Variants in ARHGEF12 observed in about 807,000 individuals in gnomAD.
The protein encoded by ARHGEF12 is KMT2A/ARHGEF12 fusion protein.
ARHGEF12 carries 66 observed loss-of-function variants against 211.2 expected under a neutral mutation model. The ratio of observed to expected loss-of-function variants is 0.31; its 90% CI spans 0.26 to 0.38. ARHGEF12 has a LOEUF of 0.38. Ranked by LOEUF, ARHGEF12 falls within the 10% of genes least tolerant of loss-of-function variation. The pLI, the probability that ARHGEF12 is intolerant of heterozygous loss-of-function variation, is 1.00. For missense variants in ARHGEF12, 1,429 were observed against 1,869.5 expected, an observed-to-expected ratio of 0.76 and a Z score of 4.34; for synonymous variants, 592 against 638.4, an observed-to-expected ratio of 0.93 and a Z score of 1.09.
chr11:120,441,607 A>G lies in ARHGEF12; in HGVS notation c.1093-100A>G, dbSNP rs1945870074. 6 of 824,214 alleles carry G rather than the reference A, an allele frequency of 7.3e-6. No individual in the cohort carries two copies. In the Admixed American group the frequency reaches 1.6e-4, roughly 22 times the overall value. The allele number at this position is 824,214 out of a possible 1,614,324, so 51.1% of individuals were successfully genotyped here. A position where few individuals can be genotyped will look rare whatever the true frequency, so the allele number is the denominator to read the frequency against. ...TTTAAATCTTGAATTTTTTATAGGG[A>G]GATCAAAGTGAAATTTGGATAGCTA... On this transcript the variant is annotated intron_variant, in intron 13 of 40. Transcript: ENST00000397843.
chr11:120,337,124 G>A lies in ARHGEF12; in HGVS notation c.-120G>A. The A allele has an allele frequency of 8.1e-7, 1 of 1,230,946 alleles. No individual in the cohort carries two copies. The highest frequency in any genetic ancestry group is 1.5e-5 in the African/African-American group (1 of 67,810). The allele number at this position is 1,230,946 out of a possible 1,614,324, so 76.3% of individuals were successfully genotyped here. On this transcript the variant is annotated 5_prime_UTR_variant, in exon 1 of 41. It removes the in-frame stop codon of an upstream open reading frame in the 5' UTR. Coordinates refer to ENST00000397843, the MANE Select transcript of ARHGEF12 (RefSeq NM_015313.3). ...GGTCTAGATGACTGAATGGAGTTTT[G>A]AGTTGGACTTTTGTGTCCCTGACGG...
chr11:120,441,611 C>G, intron 13 of ARHGEF12, 96 bp from the exon 14 acceptor site: 1 of 891,284 alleles, frequency 1.1e-6, no homozygotes, highest in Non-Finnish European at 1.7e-6. Context: ...ATAGGGAGAT[C>G]AAAGTGAAAT....
At chr11:120,409,610 G>C (rs1944821901) in intron 4 of ARHGEF12, 160 bp downstream of exon 4, 1 of 659,934 alleles carries the variant, frequency 1.5e-6, no homozygotes, top group Non-Finnish European at 2.5e-6. Context: ...GGGAGCCTGG[G>C]GTTTTAACGT....
At chr11:120,381,134 A>G (rs1435473497) in intron 1 of ARHGEF12, among the ~76,000 whole-genome samples, 2 of 152,126 alleles carry the variant, frequency 1.3e-5, no homozygotes, top group South Asian at 2.1e-4. Flanking sequence ...CTATTGGAGT[A>G]TCGTTGCTTT....
intron 4 of ARHGEF12, among the ~76,000 whole-genome samples, chr11:120,412,264 G>A (rs1272111563): frequency 6.6e-6 from 1 of 152,230 alleles, no homozygotes; most frequent in East Asian, 1.9e-4. Flanking sequence ...CTGTCATGGT[G>A]TCTGAACAGA....
rs539379109 is a variant in ARHGEF12 at position 120,427,473 on chromosome 11, C to T, written c.407-596C>T. On this transcript the variant is annotated intron_variant, in intron 7 of 40. Coordinates refer to ENST00000397843, the MANE Select transcript of ARHGEF12 (RefSeq NM_015313.3). ...ATCCTAGCACCTTGGGAGGCCAAGG[C>T]GGGTGGATCGCTTGAGCTCAGGAGT... Among the ~76,000 whole-genome samples, 72 of 151,720 alleles carry T rather than the reference C, an allele frequency of 4.7e-4. 1 individual carries two copies. The highest frequency in any genetic ancestry group is 2.6e-4 in the Non-Finnish European group (18 of 67,952).
chr11:120,366,940 T>C (rs1234339389), intron 1 of ARHGEF12, among the ~76,000 whole-genome samples: 1 of 151,918 alleles, frequency 6.6e-6, no homozygotes, highest in African/African-American at 2.4e-5. Context: ...TGCTTGAACC[T>C]GAGAGGCGGA....
At chr11:120,431,746 CGT>C (rs536452634) in intron 10 of ARHGEF12, 23 bp from the exon 11 acceptor site, 7 of 1,549,632 alleles carry the variant, frequency 4.5e-6, no homozygotes, top group Non-Finnish European at 6.1e-6. Flanking sequence ...TTTGTGTGCG[CGT>C]GTTTTTCTTT....
chr11:120,481,341 A>G lies in ARHGEF12; in HGVS notation c.4319A>G (p.Gln1440Arg). ...GAGGTTGCTTCCTCACTTACCCTGC[A>G]GCCCATGACAGGCATCCCTGCTGTG... ...DEEVASSLTLQPMTGIPAVES... is the reference protein window; with the variant it reads ...DEEVASSLTLRPMTGIPAVES... Residue 1440 changes from glutamine to arginine, a missense_variant, in exon 39 of 41, where the codon CAG (glutamine) becomes CGG (arginine). Coordinates refer to ENST00000397843, the MANE Select transcript of ARHGEF12 (RefSeq NM_015313.3). 1.9e-6 allele frequency: 3 copies of G among 1,614,222 alleles called. No individual in the cohort carries two copies. Among genetic ancestry groups the G allele is most frequent in the African/African-American group, 1.3e-5 (1 of 75,064 alleles).
At position 120,441,771 on chromosome 11, in the gene ARHGEF12, C is replaced by T; in HGVS notation, c.1157C>T (p.Ala386Val). Residue 386 changes from alanine (A) to valine (V), a missense_variant, in exon 14 of 41, where the codon GCT becomes GTT. Physicochemically the swap from Ala to Val is moderately conservative, Grantham distance 64. Coordinates refer to ENST00000397843, the MANE Select transcript of ARHGEF12 (RefSeq NM_015313.3). ...CTAAAATCTCGCCCGGCTCATTTGG[C>T]TGTTTTCTTACACCATGTAGTTTCA... is the stretch of plus-strand genomic sequence containing the variant. Reference protein sequence around the residue: ...ELLKSRPAHLAVFLHHVVSQF... With the variant: ...ELLKSRPAHLVVFLHHVVSQF... The T allele has an allele frequency of 6.2e-7, 1 of 1,613,842 alleles. No individual in the cohort carries two copies. The highest frequency in any genetic ancestry group is 8.5e-7 in the Non-Finnish European group (1 of 1,179,816).
At chr11:120,446,908 T>C in intron 17 of ARHGEF12, 40 bp from the exon 18 acceptor site, 2 of 1,595,466 alleles carry the variant, frequency 1.3e-6, no homozygotes, top group Non-Finnish European at 1.7e-6. Flanking sequence ...GAGGTAGTTT[T>C]TCTTTAGGCT....
intron 28 of ARHGEF12, 23 bp downstream of exon 28, chr11:120,465,385 G>GA (rs771462236): frequency 4.4e-6 from 7 of 1,605,966 alleles, no homozygotes; most frequent in Admixed American, 1.7e-5. Context: ...AGTCATGTAA[G>GA]AAAAAAAATA....
rs59268139 is a variant in ARHGEF12, at chr11:120,442,427, TACACACACAC to T, written c.1302+245_1302+254del. 8.8e-3 allele frequency among the ~76,000 whole-genome samples: 1,263 copies of T among 144,044 alleles called. 81 individuals carry two copies. In the South Asian group the frequency reaches 0.16, roughly 19 times the overall value. The allele number at this position is 144,044 out of a possible 152,430, so 94.5% of individuals were successfully genotyped here. A position where few individuals can be genotyped will look rare whatever the true frequency, so the allele number is the denominator to read the frequency against. ...TTTTAGGGGATTATATATATATATA[TACACACACAC>T]ACACACACACACACACACATATATA... On this transcript the variant is annotated intron_variant, in intron 15 of 40. Transcript: ENST00000397843.
At position 120,457,202 on chromosome 11, in the gene ARHGEF12, C is replaced by T; in HGVS notation, c.2141C>T (p.Pro714Leu). Residue 714 changes from proline to leucine, a missense_variant, in exon 23 of 41, where the codon CCA becomes CTA. This residue lies in a region of ARHGEF12 where 373 missense variants were observed against 467.5 expected (regional missense o/e 0.80). Transcript: ENST00000397843. ...PRTLNTVFDF[P>L]PPPLDQVQEE... ...ACTCTCAATACTGTCTTTGATTTCC[C>T]ACCACCTCCATTAGACCAAGTGCAG... is the stretch of plus-strand genomic sequence containing the variant. 1 of 1,614,050 alleles carries T rather than the reference C, an allele frequency of 6.2e-7. No homozygotes were observed. Among genetic ancestry groups the T allele is most frequent in the Non-Finnish European group, 8.5e-7 (1 of 1,179,956 alleles).
At chr11:120,381,112 G>C (rs940904000) in intron 1 of ARHGEF12, among the ~76,000 whole-genome samples, 1 of 152,180 alleles carries the variant, frequency 6.6e-6, no homozygotes, top group Non-Finnish European at 1.5e-5. Flanking sequence ...TAGTTACTAG[G>C]TGTGCTCATT....
intron 1 of ARHGEF12, among the ~76,000 whole-genome samples, chr11:120,401,970 A>G (rs1395696892): frequency 2.0e-5 from 3 of 152,216 alleles, no homozygotes; most frequent in Non-Finnish European, 4.4e-5. Context: ...TAGTAAATAC[A>G]TAAGTGGTTA....
chr11:120,352,211 C>A (rs1219913163), intron 1 of ARHGEF12, among the ~76,000 whole-genome samples: 1 of 152,150 alleles, frequency 6.6e-6, no homozygotes, highest in African/African-American at 2.4e-5. Context: ...AAAGAGTGAA[C>A]CTAAACATTG....
chr11:120,469,452 G>A, intron 30 of ARHGEF12, 64 bp downstream of exon 30: 1 of 1,303,206 alleles, frequency 7.7e-7, no homozygotes, highest in African/African-American at 1.5e-5. Flanking sequence ...ATATTACCTG[G>A]AATCTGTGAA....
At chr11:120,414,767 T>C (rs1015894885) in intron 4 of ARHGEF12, among the ~76,000 whole-genome samples, 1 of 152,204 alleles carries the variant, frequency 6.6e-6, no homozygotes, top group African/African-American at 2.4e-5. Flanking sequence ...ATTACTGTTA[T>C]TTTTTGTAGA....
Sources: allele counts gnomAD v4.1 joint callset (sites outside exome capture counted in the v4.1 genomes callset), GRCh38; gene constraint gnomAD v4.1.1; regional missense constraint gnomAD v4.1.1; transcripts MANE v1.5; gene names NCBI Gene and HGNC (gene_info 2026-07-23, HGNC 2026-07-21).